PAX7: variants seen among roughly 807,000 people sequenced by gnomAD.
The protein encoded by PAX7 is paired box protein Pax-7.
A neutral mutation model predicts 50.7 loss-of-function variants in PAX7; 18 were observed. The observed-to-expected ratio is 0.36, with a 90% CI of 0.25 to 0.53. The LOEUF (loss-of-function observed/expected upper bound fraction) is 0.53, where lower values mean the gene tolerates loss of function less well. PAX7 is among the 20% of genes least tolerant of loss of function. PAX7 has a pLI of 0.93. For synonymous variants in PAX7, 310 were observed against 290.4 expected (o/e 1.07, Z -0.69); for missense variants, 644 against 702.9 (o/e 0.92, Z 0.95).
At chr1:18,686,775 C>T (rs1446542932) in intron 4 of PAX7, among the ~76,000 whole-genome samples, 1 of 152,132 alleles carries the variant, frequency 6.6e-6, no homozygotes, top group Non-Finnish European at 1.5e-5. Context: ...TACTCCCCGC[C>T]CCGTTTCCTT....
rs567696515 is a variant in PAX7, at chr1:18,670,491, G to A, written c.587-21263G>A. ...TGTCTGCGCCCCTCCCACCTCCTCG[G>A]CTGTGGCACTACCAGCCCTAGCCCA... On this transcript the variant is annotated intron_variant, in intron 4 of 8. Coordinates refer to ENST00000420770, the MANE Select transcript of PAX7 (RefSeq NM_001135254.2). Among the ~76,000 whole-genome samples, 329 of 152,196 alleles carry A rather than the reference G, an allele frequency of 2.2e-3. 4 individuals carry two copies. Among genetic ancestry groups the A allele is most frequent in the South Asian group, 7.9e-3 (38 of 4,818 alleles).
At chr1:18,654,145 A>T (rs1420901068) in intron 4 of PAX7, among the ~76,000 whole-genome samples, 1 of 152,182 alleles carries the variant, frequency 6.6e-6, no homozygotes. Flanking sequence ...CAGTCCAGAG[A>T]GGCAGTTCAC....
chr1:18,660,098 C>T (rs1011854821), intron 4 of PAX7, among the ~76,000 whole-genome samples: 1 of 152,152 alleles, frequency 6.6e-6, no homozygotes, highest in South Asian at 2.1e-4. Flanking sequence ...GGGTGTCCTC[C>T]TTATCAACGC....
chr1:18,664,834 A>T (rs1403642651), intron 4 of PAX7, among the ~76,000 whole-genome samples: 2 of 152,026 alleles, frequency 1.3e-5, no homozygotes, highest in Non-Finnish European at 2.9e-5. Context: ...ATATGATGGT[A>T]AACCCCAAAT....
At chr1:18,688,529 G>A (rs758715969) in intron 4 of PAX7, among the ~76,000 whole-genome samples, 1 of 152,216 alleles carries the variant, frequency 6.6e-6, no homozygotes, top group African/African-American at 2.4e-5. Context: ...TGAACACTGC[G>A]AATCTAGAAC....
At chr1:18,740,695 C>G (rs1298895510) in intron 8 of PAX7, among the ~76,000 whole-genome samples, 1 of 152,162 alleles carries the variant, frequency 6.6e-6, no homozygotes, top group Non-Finnish European at 1.5e-5. Context: ...TGCCTGCACT[C>G]CCATGTTTAT....
At position 18,631,417 on chromosome 1, in the gene PAX7, T is replaced by G; in HGVS notation, c.-187T>G. On this transcript the variant is annotated 5_prime_UTR_variant, in exon 1 of 9. Coordinates refer to ENST00000420770, the MANE Select transcript of PAX7 (RefSeq NM_001135254.2). ...ACCCCACCTCACCCCCCTCCCCAGC[T>G]TCTGGACGCGTTTGACTGCAGCCAG... is the stretch of plus-strand genomic sequence containing the variant. The G allele has an allele frequency of 3.4e-6, 2 of 594,544 alleles. No homozygotes were observed. Among genetic ancestry groups the G allele is most frequent in the Non-Finnish European group, 6.1e-6 (2 of 329,848 alleles). 36.8% of individuals were successfully genotyped at this position (594,544 alleles called of 1,614,324 possible). A position where few individuals can be genotyped will look rare whatever the true frequency, so the allele number is the denominator to read the frequency against.
At chr1:18,646,077 C>G (rs937298585) in intron 4 of PAX7, among the ~76,000 whole-genome samples, 2 of 152,236 alleles carry the variant, frequency 1.3e-5, no homozygotes, top group African/African-American at 4.8e-5. Flanking sequence ...ATTCTCCTCC[C>G]TCCCGCTGCC....
chr1:18,677,451 A>T (rs2088840366), intron 4 of PAX7, among the ~76,000 whole-genome samples: 1 of 152,116 alleles, frequency 6.6e-6, no homozygotes, highest in South Asian at 2.1e-4. Context: ...ATGAACATTC[A>T]CTGCTGTAGC....
intron 4 of PAX7, among the ~76,000 whole-genome samples, chr1:18,651,971 CG>C (rs2088439140): frequency 6.6e-6 from 1 of 151,938 alleles, no homozygotes. Context: ...TAATTAGACC[CG>C]GGACAAGAAT....
intron 7 of PAX7, among the ~76,000 whole-genome samples, chr1:18,703,846 C>T (rs2089253111): frequency 1.3e-5 from 2 of 152,322 alleles, no homozygotes; most frequent in South Asian, 2.1e-4. Context: ...TGAGAATCCA[C>T]TGCACATGAT....
chr1:18,647,049 C>A (rs1407246243), intron 4 of PAX7, among the ~76,000 whole-genome samples: 1 of 138,006 alleles, frequency 7.2e-6, no homozygotes, highest in Non-Finnish European at 1.6e-5. Context: ...GGGGGAGGGG[C>A]GACCCGCGCG....
At chr1:18,665,672 C>CTTTTT (rs3079732) in intron 4 of PAX7, among the ~76,000 whole-genome samples, 2,348 of 122,178 alleles carry the variant, frequency 0.019, 81 homozygotes, top group African/African-American at 0.037. Flanking sequence ...TGCGCCCAGC[C>CTTTTT]TTTTTTTTTT....
chr1:18,716,390 G>C (rs559132241), intron 7 of PAX7, among the ~76,000 whole-genome samples: 5 of 151,752 alleles, frequency 3.3e-5, no homozygotes, highest in African/African-American at 1.2e-4. Flanking sequence ...AGCCCAGCCA[G>C]GCCTGCCTTT....
rs547689786 is a variant in PAX7, at chr1:18,703,272, G to T, written c.1131G>T (p.Pro377=). ...CGGCGCCCTCCAACCACATGAACCC[G>T]GTCAGCAACGGCCTGTCTCCTCAGG... The part of the protein sequence containing the change: ...NPAAPSNHMN[P]VSNGLSPQVM... Residue 377 remains proline, a synonymous_variant, in exon 7 of 9, where the codon CCG becomes CCT. Coordinates refer to ENST00000420770, the MANE Select transcript of PAX7 (RefSeq NM_001135254.2). 6.8e-6 allele frequency: 11 copies of T among 1,614,118 alleles called. No individual in the cohort carries two copies. The East Asian group carries it at 1.8e-4, about 26-fold the overall frequency.
chr1:18,668,611 G>T (rs938990964), intron 4 of PAX7, among the ~76,000 whole-genome samples: 5 of 152,156 alleles, frequency 3.3e-5, no homozygotes, highest in African/African-American at 1.2e-4. Flanking sequence ...GGCTAAGGTG[G>T]GAGGATGGCA....
intron 4 of PAX7, among the ~76,000 whole-genome samples, chr1:18,676,124 A>G (rs961516888): frequency 6.6e-6 from 1 of 152,240 alleles, no homozygotes; most frequent in African/African-American, 2.4e-5. Context: ...AATCACCATT[A>G]GAGTACGCTC....
chr1:18,657,964 C>A (rs947138986), intron 4 of PAX7, among the ~76,000 whole-genome samples: 2 of 152,158 alleles, frequency 1.3e-5, no homozygotes, highest in African/African-American at 4.8e-5. Flanking sequence ...AGTATATATA[C>A]TGGGCCCTTT....
intron 4 of PAX7, among the ~76,000 whole-genome samples, chr1:18,678,937 C>CA (rs1435984995): frequency 6.6e-6 from 1 of 152,218 alleles, no homozygotes; most frequent in Non-Finnish European, 1.5e-5. Flanking sequence ...GCCTGGCCGT[C>CA]ACGGTCACTC....
Sources: allele counts gnomAD v4.1 joint callset (sites outside exome capture counted in the v4.1 genomes callset), GRCh38; gene constraint gnomAD v4.1.1; transcripts MANE v1.5; gene names NCBI Gene and HGNC (gene_info 2026-07-23, HGNC 2026-07-21).